The following COG2 variants were observed in gnomAD, a reference collection of about 807,000 sequenced individuals.
COG2 encodes conserved oligomeric Golgi complex subunit 2.
Under a neutral mutation model 90.6 loss-of-function variants are expected in COG2, and 52 were observed. The observed-to-expected ratio is 0.57, with a 90% confidence interval of 0.46 to 0.72. COG2 has a LOEUF of 0.72. Ranked by LOEUF, COG2 falls within the 30% of genes least tolerant of loss-of-function variation. The probability of loss-of-function intolerance (pLI) is 0.00; values close to 1 mark genes in which losing one functional copy is unlikely to be tolerated. For synonymous variants in COG2, 337 were observed against 320.4 expected, an observed-to-expected ratio of 1.05 and a Z score of -0.55; for missense variants, 829 against 891.2, an observed-to-expected ratio of 0.93 and a Z score of 0.89.
intron 5 of COG2, among the ~76,000 whole-genome samples, chr1:230,666,269 C>T (rs16852170): frequency 0.078 from 11,883 of 152,136 alleles, 624 homozygotes; most frequent in South Asian, 0.21. Context: ...CCTTCACTAA[C>T]GAGGCTAGAC....
intron 1 of COG2, among the ~76,000 whole-genome samples, chr1:230,646,790 T>C (rs1026865359): frequency 6.6e-6 from 1 of 152,134 alleles, no homozygotes; most frequent in African/African-American, 2.4e-5. Context: ...ATCCATCTGG[T>C]TGTGAGTCAG....
rs74142999 is a variant in COG2, at chr1:230,679,082, G to A, written c.1166+30G>A. 1,159 of 1,588,236 alleles carry A rather than the reference G, an allele frequency of 7.3e-4. 11 individuals carry two copies. In the African/African-American group the frequency reaches 0.011, roughly 15 times the overall value. On this transcript the variant is annotated intron_variant, in intron 10 of 17. Coordinates refer to ENST00000366669, the MANE Select transcript of COG2 (RefSeq NM_007357.3). ...GTCATCTATTCACCGCCCCCGCCCCGCACCCTTCTAAAACAGAATTGGAAT... is the reference window on the plus strand; with the variant it reads ...GTCATCTATTCACCGCCCCCGCCCCACACCCTTCTAAAACAGAATTGGAAT...
intron 5 of COG2, among the ~76,000 whole-genome samples, chr1:230,666,289 G>T (rs1662321042): frequency 6.6e-6 from 1 of 152,062 alleles, no homozygotes; most frequent in African/African-American, 2.4e-5. Flanking sequence ...CATCTTGGGG[G>T]AGTCATTTTC....
At chr1:230,685,292 T>C (rs953566697) in intron 12 of COG2, 56 bp downstream of exon 12, 1 of 1,585,970 alleles carries the variant, frequency 6.3e-7, no homozygotes. Flanking sequence ...ATTAAAGATA[T>C]GTTAGGCTAA....
At chr1:230,688,804 C>T (rs577923821) in intron 15 of COG2, among the ~76,000 whole-genome samples, 1 of 152,132 alleles carries the variant, frequency 6.6e-6, no homozygotes, top group Non-Finnish European at 1.5e-5. Context: ...TAAGGATATA[C>T]TCAGTTTCCT....
At chr1:230,649,292 CAT>C (rs913346716) in intron 1 of COG2, among the ~76,000 whole-genome samples, 9 of 152,148 alleles carry the variant, frequency 5.9e-5, no homozygotes, top group African/African-American at 2.2e-4. Context: ...CTAACTGGGT[CAT>C]GTGTCAATGG....
chr1:230,671,848 T>G (rs1275261274), intron 8 of COG2, among the ~76,000 whole-genome samples: 1 of 152,242 alleles, frequency 6.6e-6, no homozygotes, highest in Non-Finnish European at 1.5e-5. Flanking sequence ...GAGATGAAGC[T>G]GAGACTGAAG....
At chr1:230,670,350 A>G (rs1166903448) in intron 7 of COG2, 4 of 152,332 alleles carry the variant, frequency 2.6e-5, no homozygotes, top group African/African-American at 7.2e-5. Context: ...TCCTGTCAGT[A>G]TGAATGTTCT....
chr1:230,668,559 T>G, intron 5 of COG2, 117 bp from the exon 6 acceptor site: 1 of 636,872 alleles, frequency 1.6e-6, no homozygotes, highest in Middle Eastern at 2.6e-4. Flanking sequence ...CATAAAACAC[T>G]CTGACAAAAG....
intron 2 of COG2, 25 bp downstream of exon 2, chr1:230,659,650 T>A: frequency 6.2e-7 from 1 of 1,601,580 alleles, no homozygotes. Flanking sequence ...CACGGTCCCA[T>A]TTACATACAT....
intron 3 of COG2, among the ~76,000 whole-genome samples, chr1:230,661,893 G>T (rs1662188240): frequency 6.6e-6 from 1 of 152,044 alleles, no homozygotes; most frequent in South Asian, 2.1e-4. Flanking sequence ...TCCACTGTTG[G>T]ATTCCACACT....
chr1:230,679,246 A>G (rs1662674034), intron 10 of COG2, 194 bp downstream of exon 10: 2 of 517,244 alleles, frequency 3.9e-6, no homozygotes, highest in South Asian at 9.1e-5. Flanking sequence ...TGACAAAAAG[A>G]TAAGTTTTCT....
At chr1:230,659,687 T>G in intron 2 of COG2, 62 bp downstream of exon 2, 1 of 1,523,688 alleles carries the variant, frequency 6.6e-7, no homozygotes, top group East Asian at 2.3e-5. Flanking sequence ...TCATACTTAT[T>G]CTTAGAAGTG....
intron 3 of COG2, among the ~76,000 whole-genome samples, chr1:230,662,638 C>T (rs763463304): frequency 6.6e-6 from 1 of 152,002 alleles, no homozygotes; most frequent in Non-Finnish European, 1.5e-5. Context: ...CTTATCTGGT[C>T]ATAGCCCTCT....
intron 10 of COG2, chr1:230,680,364 G>T (rs1481452510): frequency 1.0e-5 from 1 of 100,404 alleles, no homozygotes; most frequent in Non-Finnish European, 2.7e-5. Flanking sequence ...AACTTTCCTG[G>T]TCCTTTTCCT....
chr1:230,672,881 T>G (rs1662486378), intron 8 of COG2, among the ~76,000 whole-genome samples: 1 of 152,128 alleles, frequency 6.6e-6, no homozygotes, highest in South Asian at 2.1e-4. Context: ...TTAACTATGT[T>G]TAATGATCGA....
At chr1:230,642,977 G>A in intron 1 of COG2, 1 of 368,686 alleles carries the variant, frequency 2.7e-6, no homozygotes, top group Non-Finnish European at 4.9e-6. Context: ...ATGCAGTGCA[G>A]TCAGATTGCC....
At position 230,671,777 on chromosome 1, in the gene COG2, G is replaced by C. The variant is rs1047515367; in HGVS notation, c.899+137G>C. 5.7e-5 allele frequency: 44 copies of C among 778,744 alleles called. No individual in the cohort carries two copies. The South Asian group carries it at 8.6e-4, about 15-fold the overall frequency. 48.2% of individuals were successfully genotyped at this position (778,744 alleles called of 1,614,324 possible). On this transcript the variant is annotated intron_variant, in intron 8 of 17. Coordinates refer to ENST00000366669, the MANE Select transcript of COG2 (RefSeq NM_007357.3). ...CCATTATGAATCTTGTTATTTCATTGTTTCTACTGGTGATACTGTGAGGCA... is the reference window on the plus strand; with the variant it reads ...CCATTATGAATCTTGTTATTTCATTCTTTCTACTGGTGATACTGTGAGGCA...
chr1:230,658,408 G>A (rs12724008), intron 1 of COG2, among the ~76,000 whole-genome samples: 2 of 152,250 alleles, frequency 1.3e-5, no homozygotes, highest in South Asian at 4.1e-4. Flanking sequence ...ATTGCTGCCT[G>A]TTCTTTCCTC....
Sources: gnomAD v4.1 joint callset for allele counts (sites outside exome capture counted in the v4.1 genomes callset) on GRCh38, gnomAD v4.1.1 for gene constraint, MANE v1.5 for transcripts, NCBI Gene and HGNC (gene_info 2026-07-23, HGNC 2026-07-21) for gene names.